Variants in IRAG2 observed in about 807,000 individuals in gnomAD.
IRAG2 encodes the protein inositol 1,4,5-triphosphate receptor associated 2, also known as lymphoid restricted membrane protein.
A neutral mutation model predicts 69.9 loss-of-function variants in IRAG2; 45 were observed. That is an observed-to-expected ratio of 0.64 (90% CI 0.51 to 0.83). IRAG2 has a LOEUF of 0.83. IRAG2 is among the 40% of genes least tolerant of loss of function. IRAG2 has a pLI of 0.00. For missense variants in IRAG2, 520 were observed against 587.0 expected (o/e 0.89, Z 1.18); for synonymous variants, 193 against 202.4 (o/e 0.95, Z 0.40).
intron 8 of IRAG2, among the ~76,000 whole-genome samples, chr12:25,024,829 T>A (rs191435926): frequency 2.0e-4 from 30 of 152,338 alleles, no homozygotes; most frequent in African/African-American, 7.0e-4. Flanking sequence ...AAGATATTTT[T>A]CTCCTCTTAT....
At chr12:25,074,850 T>G (rs1175439300) in intron 6 of IRAG2, among the ~76,000 whole-genome samples, 1 of 152,238 alleles carries the variant, frequency 6.6e-6, no homozygotes, top group Non-Finnish European at 1.5e-5. Context: ...GTACTATCAC[T>G]GGGAGGCGGT....
upstream of IRAG2, among the ~76,000 whole-genome samples, chr12:25,051,156 GAA>G (rs749945150): frequency 6.1e-4 from 93 of 152,174 alleles, 1 homozygote; most frequent in Non-Finnish European, 3.7e-4. Flanking sequence ...GAAAAAGAGA[GAA>G]AAAGAGAGTG....
Position 25,107,899 on chromosome 12 carries a change from T to G in IRAG2, c.1339T>G (p.Phe447Val). 6.2e-7 allele frequency: 1 copy of G among 1,614,196 alleles called. No individual in the cohort carries two copies. The highest frequency in any genetic ancestry group is 8.5e-7 in the Non-Finnish European group (1 of 1,179,996). ...ANKALWLSIA[F>V]IVLFAALMSF... ...TAAGGCCCTCTGGCTCTCTATTGCA[T>G]TCATTGTACTGTTTGCAGCTTTGAT... The change falls in exon 22 of 22, where the codon TTC becomes GTC. Residue 447 changes from phenylalanine (F) to valine (V), a missense_variant. Physicochemically the swap from Phe to Val is conservative, Grantham distance 50. Transcript: ENST00000556887.
At chr12:25,043,439 G>A (rs1479741148) in intron 16 of IRAG2, among the ~76,000 whole-genome samples, 2 of 152,146 alleles carry the variant, frequency 1.3e-5, no homozygotes. Flanking sequence ...AACGAAGAAG[G>A]TAGTTTGAAC....
At chr12:25,066,335 C>G (rs1443897057) in intron 4 of IRAG2, 30 bp from the exon 5 acceptor site, 8 of 400,724 alleles carry the variant, frequency 2.0e-5, no homozygotes, top group Non-Finnish European at 3.5e-5. Flanking sequence ...AAATTGGTCT[C>G]TATTTTTATT....
chr12:25,073,757 G>A (rs1946479266), intron 6 of IRAG2, among the ~76,000 whole-genome samples: 1 of 141,050 alleles, frequency 7.1e-6, no homozygotes. Flanking sequence ...TAGGAAAGAA[G>A]GAAACAAATT....
At chr12:25,040,469 C>T (rs1490199562) in intron 16 of IRAG2, among the ~76,000 whole-genome samples, 1 of 151,802 alleles carries the variant, frequency 6.6e-6, no homozygotes, top group Admixed American at 6.6e-5. Context: ...TGCCAGTGCA[C>T]TCTAGCAGCC....
intron 2 of IRAG2, among the ~76,000 whole-genome samples, chr12:25,009,817 A>T (rs957062216): frequency 6.8e-6 from 1 of 147,168 alleles, no homozygotes; most frequent in African/African-American, 2.5e-5. Flanking sequence ...AAAAAAAAAA[A>T]ATCAATGTCC....
At chr12:25,008,430 T>C (rs867018160) in intron 2 of IRAG2, among the ~76,000 whole-genome samples, 1 of 152,028 alleles carries the variant, frequency 6.6e-6, no homozygotes, top group African/African-American at 2.4e-5. Context: ...AGTGAAACCA[T>C]GTCTCCACTA....
chr12:25,039,623 G>T (rs1041168697), intron 16 of IRAG2, among the ~76,000 whole-genome samples: 1 of 152,130 alleles, frequency 6.6e-6, no homozygotes, highest in Non-Finnish European at 1.5e-5. Flanking sequence ...GTAGAGACGG[G>T]GTTTCACCAT....
chr12:25,011,453 G>A, exon 3 of IRAG2: 1 of 1,231,682 alleles, frequency 8.1e-7, no homozygotes, highest in Non-Finnish European at 1.0e-6. Flanking sequence ...TTGAGCAGTT[G>A]TGGAACATGC....
chr12:25,079,890 T>A, intron 9 of IRAG2, 127 bp downstream of exon 9: 1 of 606,154 alleles, frequency 1.6e-6, no homozygotes, highest in South Asian at 2.3e-5. Flanking sequence ...ATAATTCTTA[T>A]AAAACAATTT....
At chr12:25,028,290 A>G (rs1249471012) in intron 9 of IRAG2, among the ~76,000 whole-genome samples, 4 of 152,184 alleles carry the variant, frequency 2.6e-5, no homozygotes, top group African/African-American at 4.8e-5. Context: ...ACCATTTTAC[A>G]TTCCACCAGC....
In IRAG2 at chr12:25,024,093, A is replaced by G. The variant is rs74070684; in HGVS notation, c.1383+172A>G. 6.3e-3 allele frequency among the ~76,000 whole-genome samples: 956 copies of G among 152,346 alleles called. 16 individuals are homozygous for G. Among genetic ancestry groups the G allele is most frequent in the African/African-American group, 0.022 (926 of 41,578 alleles). On this transcript the variant is annotated intron_variant, in intron 8 of 38. Transcript: ENST00000636465. ...GAATGGATGGGATTTTCATGTCTGA[A>G]CAGAGAAACTGTTACTTTTGCAATT...
At chr12:25,050,527 C>A (rs1318840018), upstream of IRAG2, among the ~76,000 whole-genome samples, 2 of 47,922 alleles carry the variant, frequency 4.2e-5, no homozygotes, top group South Asian at 9.7e-4. Context: ...GACTCCGTCT[C>A]AAAAAAAACA....
At chr12:25,038,630 G>T (rs1232174213) in intron 16 of IRAG2, among the ~76,000 whole-genome samples, 1 of 140,826 alleles carries the variant, frequency 7.1e-6, no homozygotes. Flanking sequence ...GACAGAGTGA[G>T]ACTCCATTTC....
chr12:25,008,413 G>A (rs370291420), intron 2 of IRAG2, among the ~76,000 whole-genome samples: 79 of 152,154 alleles, frequency 5.2e-4, no homozygotes, highest in Middle Eastern at 6.8e-3. Flanking sequence ...ACTACCCTGG[G>A]AAACATAGTG....
intron 15 of IRAG2, among the ~76,000 whole-genome samples, chr12:25,098,115 C>T (rs1298505794): frequency 6.6e-6 from 1 of 152,188 alleles, no homozygotes; most frequent in African/African-American, 2.4e-5. Flanking sequence ...GTCCCCTCAT[C>T]ACTTACCCCT....
At chr12:25,027,526 C>G (rs1400995815) in intron 9 of IRAG2, among the ~76,000 whole-genome samples, 1 of 151,792 alleles carries the variant, frequency 6.6e-6, no homozygotes, top group Non-Finnish European at 1.5e-5. Context: ...TCCCGAGTAG[C>G]TGGGCCTACA....
Sources: gnomAD v4.1 joint callset for allele counts (sites outside exome capture counted in the v4.1 genomes callset) on GRCh38, gnomAD v4.1.1 for gene constraint, MANE v1.5 for transcripts, NCBI Gene and HGNC (gene_info 2026-07-23, HGNC 2026-07-21) for gene names.